Variants in ZBTB43 observed in about 807,000 individuals in gnomAD.
The protein encoded by ZBTB43 is zinc finger and BTB domain-containing protein 43.
ZBTB43 carries 6 observed loss-of-function variants against 31.1 expected under a neutral mutation model. That is an observed-to-expected ratio of 0.19 (90% CI 0.11 to 0.38). The LOEUF is 0.38. Ranked by LOEUF, ZBTB43 falls within the 10% of genes least tolerant of loss-of-function variation. The pLI, the probability that ZBTB43 is intolerant of heterozygous loss-of-function variation, is 1.00. For missense variants in ZBTB43, 379 were observed against 602.1 expected (o/e 0.63, Z 3.88); for synonymous variants, 212 against 221.7 (o/e 0.96, Z 0.39).
Position 126,835,512 on chromosome 9 carries a change from T to G in ZBTB43, c.*1599T>G, listed in dbSNP as rs1393538663. The G allele has an allele frequency of 6.0e-6, 1 of 167,034 alleles. No individual in the cohort carries two copies. The highest frequency in any genetic ancestry group is 1.5e-5 in the Non-Finnish European group (1 of 68,108). 10.3% of individuals were successfully genotyped at this position (167,034 alleles called of 1,614,324 possible). A position where few individuals can be genotyped will look rare whatever the true frequency, so the allele number is the denominator to read the frequency against. ...TGAAAAGTTTGGCTTTGCTGTAATG[T>G]AATAGACATTGCTGGCAATGGCCTC... On this transcript the variant is annotated 3_prime_UTR_variant, in exon 3 of 3. Coordinates refer to ENST00000373464, the MANE Select transcript of ZBTB43 (RefSeq NM_014007.4).
intron 2 of ZBTB43, among the ~76,000 whole-genome samples, chr9:126,819,504 A>G (rs2032464934): frequency 6.6e-6 from 1 of 152,066 alleles, no homozygotes. Flanking sequence ...TTGAGGCACC[A>G]CAAACCACAC....
intron 2 of ZBTB43, among the ~76,000 whole-genome samples, chr9:126,811,664 C>T (rs1355991074): frequency 6.6e-6 from 1 of 152,124 alleles, no homozygotes; most frequent in South Asian, 2.1e-4. Context: ...CTCACTCTGT[C>T]GCCCAGGCTG....
chr9:126,829,642 A>C lies in ZBTB43; in HGVS notation c.-23-2845A>C, dbSNP rs7031167. ...GGAAGTTTCTAGAGATATAAACAGG[A>C]GTTTAATGGTGATTTCCTTTGGGGG... is the stretch of plus-strand genomic sequence containing the variant. On this transcript the variant is annotated intron_variant, in intron 2 of 2. Transcript: ENST00000373464. 2.9e-3 allele frequency among the ~76,000 whole-genome samples: 449 copies of C among 152,250 alleles called. 3 individuals carry two copies. Among genetic ancestry groups the C allele is most frequent in the African/African-American group, 0.01 (431 of 41,554 alleles).
chr9:126,823,052 T>C (rs1399354746), intron 2 of ZBTB43, among the ~76,000 whole-genome samples: 1 of 152,246 alleles, frequency 6.6e-6, no homozygotes, highest in Non-Finnish European at 1.5e-5. Context: ...GTTTATTTTA[T>C]TGCGGTGTTC....
intron 2 of ZBTB43, among the ~76,000 whole-genome samples, chr9:126,812,368 T>C (rs548719815): frequency 1.3e-5 from 2 of 152,260 alleles, no homozygotes; most frequent in East Asian, 3.8e-4. Context: ...AATGCAGTTA[T>C]GAACATTCAT....
intron 2 of ZBTB43, among the ~76,000 whole-genome samples, chr9:126,830,738 G>GTT (rs57767239): frequency 1.1e-4 from 16 of 140,398 alleles, no homozygotes; most frequent in South Asian, 9.2e-4. Flanking sequence ...CGTTTGGGTG[G>GTT]TTTTTTTTTT....
chr9:126,816,858 CTA>C (rs2032396672), intron 2 of ZBTB43, among the ~76,000 whole-genome samples: 1 of 152,170 alleles, frequency 6.6e-6, no homozygotes, highest in African/African-American at 2.4e-5. Flanking sequence ...CTTCCTGGGG[CTA>C]CGGAGTCCCA....
intron 2 of ZBTB43, among the ~76,000 whole-genome samples, chr9:126,819,085 CTT>C (rs1394759351): frequency 6.6e-6 from 1 of 151,954 alleles, no homozygotes; most frequent in Non-Finnish European, 1.5e-5. Flanking sequence ...AGTTTTCTCT[CTT>C]ATTGATTGCT....
intron 1 of ZBTB43, 71 bp downstream of exon 1, chr9:126,805,203 T>G (rs1197352070): frequency 6.5e-6 from 1 of 152,800 alleles, no homozygotes; most frequent in Admixed American, 6.5e-5. Flanking sequence ...TAAGGGCTCC[T>G]CAGCAGGCCC....
intron 2 of ZBTB43, among the ~76,000 whole-genome samples, chr9:126,820,381 A>C (rs1056048206): frequency 2.0e-5 from 3 of 152,198 alleles, no homozygotes; most frequent in African/African-American, 7.2e-5. Context: ...AGGGCCCTTA[A>C]GAATTATGCT....
Position 126,837,838 on chromosome 9 carries a change from CTTT to C in ZBTB43, c.*3939_*3941del, listed in dbSNP as rs5900725. The C allele has an allele frequency of 1.4e-5, 2 of 146,482 alleles. No homozygotes were observed. 9.1% of individuals were successfully genotyped at this position (146,482 alleles called of 1,614,324 possible). On this transcript the variant is annotated 3_prime_UTR_variant, in exon 3 of 3. Coordinates refer to ENST00000373464, the MANE Select transcript of ZBTB43 (RefSeq NM_014007.4). ...GCTGGAACACATTTTGCAAATGTGA[CTTT>C]TTTTTTTTTTTTTAATTTTTGCTTG... is the stretch of plus-strand genomic sequence containing the variant.
intron 2 of ZBTB43, among the ~76,000 whole-genome samples, chr9:126,826,012 A>AG (rs2032625910): frequency 9.1e-6 from 1 of 110,340 alleles, no homozygotes; most frequent in Non-Finnish European, 2.0e-5. Flanking sequence ...ATGCCCAGCC[A>AG]ATTTTTTTTT....
At chr9:126,816,505 A>G (rs915272680) in intron 2 of ZBTB43, among the ~76,000 whole-genome samples, 1 of 151,636 alleles carries the variant, frequency 6.6e-6, no homozygotes. Flanking sequence ...ATTTCTTGCT[A>G]TTTTTTCTTT....
intron 2 of ZBTB43, among the ~76,000 whole-genome samples, chr9:126,827,870 G>T (rs534022192): frequency 1.3e-5 from 2 of 152,132 alleles, no homozygotes; most frequent in East Asian, 3.9e-4. Context: ...AAAATTAGCC[G>T]GGCATGGTGG....
chr9:126,811,889 G>T (rs1044636289), intron 2 of ZBTB43, among the ~76,000 whole-genome samples: 1 of 152,196 alleles, frequency 6.6e-6, no homozygotes. Context: ...CTCCCGAAGT[G>T]CTGGGATTAC....
At chr9:126,812,945 A>G (rs1564200122) in intron 2 of ZBTB43, among the ~76,000 whole-genome samples, 1 of 149,500 alleles carries the variant, frequency 6.7e-6, no homozygotes, top group Admixed American at 6.7e-5. Flanking sequence ...CAGTCTCATC[A>G]ATGCCACCCC....
chr9:126,807,761 G>T (rs1409463171), intron 1 of ZBTB43, among the ~76,000 whole-genome samples: 1 of 151,908 alleles, frequency 6.6e-6, no homozygotes, highest in Non-Finnish European at 1.5e-5. Flanking sequence ...TCAACCTCCC[G>T]AGTAGCTGGG....
intron 2 of ZBTB43, among the ~76,000 whole-genome samples, chr9:126,821,906 A>G (rs2119141406): frequency 6.6e-6 from 1 of 152,276 alleles, no homozygotes; most frequent in South Asian, 2.1e-4. Flanking sequence ...CTTGTCTCCC[A>G]GGCTGGAGTG....
chr9:126,812,190 T>G (rs2032266497), intron 2 of ZBTB43, among the ~76,000 whole-genome samples: 1 of 152,200 alleles, frequency 6.6e-6, no homozygotes, highest in Admixed American at 6.5e-5. Context: ...GTGTCCGACC[T>G]CTTTCATTTA....
Sources: gnomAD v4.1 joint callset for allele counts (sites outside exome capture counted in the v4.1 genomes callset) on GRCh38, gnomAD v4.1.1 for gene constraint, MANE v1.5 for transcripts, NCBI Gene and HGNC (gene_info 2026-07-23, HGNC 2026-07-21) for gene names.